NUP98: variants seen among roughly 807,000 people sequenced by gnomAD.
NUP98 encodes the protein nucleoporin 98 and 96 precursor.
In NUP98, 26 loss-of-function variants were observed where a neutral mutation model predicts 191.9. The ratio of observed to expected loss-of-function variants is 0.14; its 90% CI spans 0.10 to 0.19. The LOEUF (loss-of-function observed/expected upper bound fraction) is 0.19. Among genes scored for constraint, NUP98 ranks in the 10% least tolerant of loss-of-function variants. The pLI, the probability that NUP98 is intolerant of heterozygous loss-of-function variation, is 1.00. For synonymous variants in NUP98, 808 were observed against 778.4 expected (o/e 1.04, Z -0.63); for missense variants, 1,941 against 2,178.8 (o/e 0.89, Z 2.17).
intron 12 of NUP98, among the ~76,000 whole-genome samples, chr11:3,743,843 G>A (rs1339583199): frequency 6.6e-6 from 1 of 151,596 alleles, no homozygotes; most frequent in Non-Finnish European, 1.5e-5. Context: ...CACGAGGTCA[G>A]GAATTCGAGA....
intron 1 of NUP98, 30 bp from the exon 2 acceptor site, chr11:3,782,175 T>C: frequency 1.7e-6 from 2 of 1,184,956 alleles, no homozygotes; most frequent in Non-Finnish European, 2.5e-6. Flanking sequence ...ATCACTCTCT[T>C]AAAGACCACA....
rs1478546347 is a variant in NUP98 at position 3,764,867 on chromosome 11, C to T, written c.949-1828G>A. On this transcript the variant is annotated intron_variant, in intron 8 of 32. Coordinates refer to ENST00000324932, the MANE Select transcript of NUP98 (RefSeq NM_016320.5). ...TGCTGGGATTAAAGGCGTGAGCCACCGCGCCCAGCCTGTTAGTCTTTTTTT... is the reference window on the plus strand; with the variant it reads ...TGCTGGGATTAAAGGCGTGAGCCACTGCGCCCAGCCTGTTAGTCTTTTTTT... Among the ~76,000 whole-genome samples, 4 of 152,098 alleles carry T rather than the reference C, an allele frequency of 2.6e-5. No homozygotes were observed. The East Asian group carries it at 7.7e-4, about 29-fold the overall frequency.
chr11:3,768,334 T>C lies in NUP98; in HGVS notation c.948+247A>G, dbSNP rs185868658. On this transcript the variant is annotated intron_variant, in intron 8 of 32. Coordinates refer to ENST00000324932, the MANE Select transcript of NUP98 (RefSeq NM_016320.5). ...TACTCGGGAGGCTGAGGCAGGAGAA[T>C]GGCATGAACCTGGGAGGCGGAGCTT... Among the ~76,000 whole-genome samples the C allele has an allele frequency of 2.7e-4, 41 of 149,872 alleles. No individual in the cohort carries two copies. In the East Asian group the frequency reaches 6.9e-3, roughly 25 times the overall value.
intron 4 of NUP98, among the ~76,000 whole-genome samples, chr11:3,778,057 G>A (rs550639764): frequency 2.6e-4 from 40 of 151,804 alleles, no homozygotes; most frequent in African/African-American, 9.7e-4. Context: ...AAATTAGCCG[G>A]GCATGGTGGC....
chr11:3,707,037 C>G (rs1415762207), intron 20 of NUP98, among the ~76,000 whole-genome samples: 1 of 152,200 alleles, frequency 6.6e-6, no homozygotes, highest in African/African-American at 2.4e-5. Flanking sequence ...GTACAAATAT[C>G]AAAGTCTCCA....
intron 1 of NUP98, among the ~76,000 whole-genome samples, chr11:3,795,155 T>A (rs768615057): frequency 1.2e-4 from 19 of 152,182 alleles, no homozygotes; most frequent in Non-Finnish European, 2.2e-4. Flanking sequence ...TAAAGTCAGG[T>A]ACTGGCTGGG....
intron 1 of NUP98, among the ~76,000 whole-genome samples, chr11:3,791,083 G>A (rs1259676076): frequency 6.6e-6 from 1 of 151,916 alleles, no homozygotes; most frequent in East Asian, 2.0e-4. Flanking sequence ...TTTTAGTAGA[G>A]ACGGGTTTTC....
chr11:3,729,460 G>C (rs2079749238), intron 14 of NUP98, among the ~76,000 whole-genome samples: 2 of 146,156 alleles, frequency 1.4e-5, no homozygotes, highest in Non-Finnish European at 3.0e-5. Context: ...GCTCATGCCT[G>C]TAATCCTAAC....
At chr11:3,761,529 G>A (rs935620804) in intron 9 of NUP98, among the ~76,000 whole-genome samples, 3 of 152,164 alleles carry the variant, frequency 2.0e-5, no homozygotes, top group Non-Finnish European at 4.4e-5. Flanking sequence ...GGAGTCCAAG[G>A]CAGGTGGATC....
chr11:3,676,044 G>C lies in NUP98; in HGVS notation c.*115C>G. 1 of 900,682 alleles carries C rather than the reference G, an allele frequency of 1.1e-6. No homozygotes were observed. 55.8% of individuals were successfully genotyped at this position (900,682 alleles called of 1,614,324 possible). On this transcript the variant is annotated 3_prime_UTR_variant, in exon 33 of 33. Transcript: ENST00000324932. ...GATGCTGCTTCTGGCAGCAGGGAGG[G>C]AGGGTAGATGCCACAGCCAACCCAG...
At position 3,683,227 on chromosome 11, in the gene NUP98, T is replaced by G. The variant is rs555263759; in HGVS notation, c.4891A>C (p.Lys1631Gln). Residue 1631 changes from lysine (K) to glutamine (Q), a missense_variant, in exon 30 of 33, where the codon AAG becomes CAG. Lys to Gln is a moderately conservative substitution (Grantham distance 53). Around this residue, in one of 6 missense-constraint regions of NUP98, gnomAD observed 1,030 missense variants for 1,115.8 expected, o/e 0.92. Transcript: ENST00000324932. ...FKAEHWNRCH[K>Q]LIIRHLASDA... ...GAAGCTAAGTGTCGGATGATGAGCT[T>G]GTGGCAGCGGTTCCAGTGCTCAGCC... The G allele has an allele frequency of 2.5e-5, 41 of 1,614,170 alleles. No homozygotes were observed. The East Asian group carries it at 8.0e-4, about 32-fold the overall frequency.
chr11:3,697,559 C>CA (rs1397521426), intron 25 of NUP98, among the ~76,000 whole-genome samples: 1 of 151,982 alleles, frequency 6.6e-6, no homozygotes, highest in East Asian at 1.9e-4. Context: ...CCTGTAATCC[C>CA]AGCACTTGGG....
At chr11:3,762,788 G>A (rs1336189467) in intron 9 of NUP98, 114 bp downstream of exon 9, 2 of 1,032,864 alleles carry the variant, frequency 1.9e-6, no homozygotes, top group Non-Finnish European at 2.8e-6. Context: ...ATATTAGGCT[G>A]GTGCAATAAT....
At chr11:3,748,459 TG>T (rs1348116083) in intron 11 of NUP98, among the ~76,000 whole-genome samples, 1 of 150,724 alleles carries the variant, frequency 6.6e-6, no homozygotes, top group Non-Finnish European at 1.5e-5. Flanking sequence ...AGGCAGAGGT[TG>T]CAGTGAGCCG....
At chr11:3,689,188 A>G (rs1469013858) in intron 28 of NUP98, among the ~76,000 whole-genome samples, 1 of 152,170 alleles carries the variant, frequency 6.6e-6, no homozygotes, top group African/African-American at 2.4e-5. Flanking sequence ...AGCCATGATC[A>G]TTCCACTGCA....
intron 10 of NUP98, among the ~76,000 whole-genome samples, chr11:3,758,485 TAGGAAAG>T (rs999454215): frequency 9.2e-5 from 14 of 151,430 alleles, no homozygotes; most frequent in Non-Finnish European, 2.1e-4. Context: ...TTTAATTTTA[TAGGAAAG>T]AAATAAGTAG....
At chr11:3,734,149 C>G (rs1000822703) in intron 13 of NUP98, among the ~76,000 whole-genome samples, 2 of 152,010 alleles carry the variant, frequency 1.3e-5, no homozygotes, top group Non-Finnish European at 2.9e-5. Context: ...AATTCTCCTG[C>G]CTCAGCCTCC....
rs1291135502 is a variant in NUP98 at position 3,720,793 on chromosome 11, T to C, written c.2179A>G (p.Ile727Val). The change falls in exon 17 of 33, where the codon ATT becomes GTT. Residue 727 changes from isoleucine to valine, a missense_variant. Physicochemically the swap from Ile to Val is conservative, Grantham distance 29. This residue lies in a region of NUP98 where 453 missense variants were observed against 438.2 expected (regional missense o/e 1.03). Coordinates refer to ENST00000324932, the MANE Select transcript of NUP98 (RefSeq NM_016320.5). ...IILTKVGYYTIPSMDDLAKIT... is the reference protein window; with the variant it reads ...IILTKVGYYTVPSMDDLAKIT... ...TTAGCAAGGTCATCCATAGATGGAA[T>C]AGTATAGTAACCAACCTTAGTGAGA... The C allele has an allele frequency of 3.3e-6, 5 of 1,534,526 alleles. No homozygotes were observed. In the African/African-American group the frequency reaches 4.8e-5, roughly 15 times the overall value.
chr11:3,757,740 A>G (rs1404998321), intron 10 of NUP98, among the ~76,000 whole-genome samples: 1 of 152,116 alleles, frequency 6.6e-6, no homozygotes, highest in African/African-American at 2.4e-5. Context: ...CAGAGGTTGC[A>G]GTGAGCTGAA....
Sources: gnomAD v4.1 joint callset for allele counts (sites outside exome capture counted in the v4.1 genomes callset) on GRCh38, gnomAD v4.1.1 for gene constraint, gnomAD v4.1.1 regional missense constraint, MANE v1.5 for transcripts, NCBI Gene and HGNC (gene_info 2026-07-23, HGNC 2026-07-21) for gene names.